Variants in AFF1 observed in about 807,000 individuals in gnomAD.
The protein encoded by AFF1 is AF4/FMR2 family member 1.
AFF1 carries 48 observed loss-of-function variants against 121.7 expected under a neutral mutation model. That is an observed-to-expected ratio of 0.39 (90% CI 0.31 to 0.50). The LOEUF (loss-of-function observed/expected upper bound fraction) is 0.50. Ranked by LOEUF, AFF1 falls within the 20% of genes least tolerant of loss-of-function variation. The pLI, the probability that AFF1 is intolerant of heterozygous loss-of-function variation, is 0.76. For missense variants in AFF1, 1,523 were observed against 1,511.7 expected (o/e 1.01, Z -0.12); for synonymous variants, 613 against 563.0 (o/e 1.09, Z -1.26).
At chr4:87,019,887 G>GGGA (rs58095717) in intron 2 of AFF1, among the ~76,000 whole-genome samples, 8,957 of 138,648 alleles carry the variant, frequency 0.065, 584 homozygotes, top group African/African-American at 0.15. Context: ...AAGGGGTCGG[G>GGGA]GGGGGGCAGT....
At chr4:86,944,608 T>C (rs892989099) in intron 1 of AFF1, among the ~76,000 whole-genome samples, 7 of 152,182 alleles carry the variant, frequency 4.6e-5, no homozygotes, top group African/African-American at 1.4e-4. Context: ...CCTCCCAAAG[T>C]GCTGGGATTA....
At position 87,125,040 on chromosome 4, in the gene AFF1, G is replaced by A. The variant is rs1197789375; in HGVS notation, c.2470G>A (p.Glu824Lys). Reference sequence around the variant, plus strand: ...TTTGCTGATTATACTGTAATAGGGTGAAGCAGAAAGAGACTGTGATAACAA... The same window carrying A: ...TTTGCTGATTATACTGTAATAGGGTAAAGCAGAAAGAGACTGTGATAACAA... ...SSKLAKKRKGEAERDCDNKKI... is the reference protein window; with the variant it reads ...SSKLAKKRKGKAERDCDNKKI... Residue 824 changes from glutamate to lysine, a missense_variant, in exon 13 of 21, where the codon GAA (glutamate) becomes AAA (lysine). Physicochemically the swap from Glu to Lys is moderately conservative, Grantham distance 56. Coordinates refer to ENST00000395146, the MANE Select transcript of AFF1 (RefSeq NM_001166693.3). 6.2e-7 allele frequency: 1 copy of A among 1,600,108 alleles called. No individual in the cohort carries two copies. The highest frequency in any genetic ancestry group is 8.5e-7 in the Non-Finnish European group (1 of 1,172,736).
intron 2 of AFF1, among the ~76,000 whole-genome samples, chr4:86,982,866 AAAAAAAAAAG>A (rs1289237038): frequency 1.2e-4 from 18 of 146,642 alleles, no homozygotes; most frequent in African/African-American, 4.4e-4. Flanking sequence ...AAAAAAAAAA[AAAAAAAAAAG>A]GAAGCTTGTT....
intron 2 of AFF1, among the ~76,000 whole-genome samples, chr4:86,967,648 T>G (rs1465395921): frequency 1.3e-5 from 2 of 152,088 alleles, no homozygotes; most frequent in South Asian, 4.1e-4. Flanking sequence ...ATGATTTTTT[T>G]TTTTTTGTAA....
chr4:86,967,906 C>A (rs1314643093), intron 2 of AFF1, among the ~76,000 whole-genome samples: 1 of 152,140 alleles, frequency 6.6e-6, no homozygotes, highest in African/African-American at 2.4e-5. Flanking sequence ...ACAATTTATT[C>A]AGTAGAAAAT....
intron 8 of AFF1, among the ~76,000 whole-genome samples, chr4:87,100,224 C>T (rs779871593): frequency 6.6e-6 from 1 of 151,266 alleles, no homozygotes; most frequent in Non-Finnish European, 1.5e-5. Flanking sequence ...TGTATTTTAC[C>T]CTCTCTGTGG....
intron 2 of AFF1, among the ~76,000 whole-genome samples, chr4:87,004,019 AAGC>A (rs1355127137): frequency 3.3e-5 from 5 of 152,322 alleles, no homozygotes; most frequent in African/African-American, 1.2e-4. Context: ...TTTCAAATGA[AAGC>A]AGACCACAAG....
intron 11 of AFF1, among the ~76,000 whole-genome samples, chr4:87,108,633 T>C (rs974173591): frequency 2.6e-5 from 4 of 152,224 alleles, no homozygotes; most frequent in African/African-American, 9.6e-5. Context: ...TCCCTTCTTT[T>C]AGAAAGAAAA....
chr4:87,070,352 T>C (rs1721902713), intron 4 of AFF1, among the ~76,000 whole-genome samples: 1 of 152,200 alleles, frequency 6.6e-6, no homozygotes, highest in Non-Finnish European at 1.5e-5. Flanking sequence ...TTGACCAGGC[T>C]GGTCTCGAAC....
rs1050085482 is a variant in AFF1, at chr4:86,935,048, G to C, written c.-229G>C. The stretch of plus-strand genomic sequence containing the variant: ...AGCGACGGGCGCGCGCGGCCCCTGC[G>C]CACTCGGCCGCCGCCTGCGCGCGTT... On this transcript the variant is annotated 5_prime_UTR_variant, in exon 1 of 21. Transcript: ENST00000395146. The C allele has an allele frequency of 6.6e-5, 10 of 151,914 alleles. No individual in the cohort carries two copies. The highest frequency in any genetic ancestry group is 2.2e-4 in the African/African-American group (9 of 41,408). 9.4% of individuals were successfully genotyped at this position (151,914 alleles called of 1,614,324 possible). A position where few individuals can be genotyped will look rare whatever the true frequency, so the allele number is the denominator to read the frequency against.
At chr4:86,951,569 G>A (rs1025414843) in intron 2 of AFF1, among the ~76,000 whole-genome samples, 1 of 150,778 alleles carries the variant, frequency 6.6e-6, no homozygotes, top group Admixed American at 6.6e-5. Flanking sequence ...ATAGGAAAAG[G>A]TAAAGATGGG....
rs201603920 is a variant in AFF1 at position 87,126,234 on chromosome 4, T to C, written c.2709T>C (p.Pro903=). 4.0e-5 allele frequency: 65 copies of C among 1,613,986 alleles called. 1 individual carries two copies. Among genetic ancestry groups the C allele is most frequent in the Middle Eastern group, 1.6e-4 (1 of 6,062 alleles). ...AAGCAGACACCTGTGGCCAGGACCC[T>C]CCCAAAAGTGCCAGCAGTACCAAGA... ...RREADTCGQD[P]PKSASSTKSN... Residue 903 remains proline, a synonymous_variant, in exon 14 of 21, where the codon CCT becomes CCC. Coordinates refer to ENST00000395146, the MANE Select transcript of AFF1 (RefSeq NM_001166693.3).
At chr4:87,016,502 A>G (rs989284149) in intron 2 of AFF1, among the ~76,000 whole-genome samples, 2 of 151,108 alleles carry the variant, frequency 1.3e-5, no homozygotes, top group Admixed American at 6.6e-5. Context: ...CAGTGAGCGG[A>G]GATTGCGCCA....
At chr4:87,055,800 G>A (rs990160098) in intron 4 of AFF1, among the ~76,000 whole-genome samples, 18 of 152,124 alleles carry the variant, frequency 1.2e-4, no homozygotes, top group African/African-American at 4.3e-4. Context: ...TCCTAAGAGA[G>A]GATCCTGGTT....
chr4:87,004,649 C>G (rs1044496457), intron 2 of AFF1, among the ~76,000 whole-genome samples: 4 of 152,148 alleles, frequency 2.6e-5, no homozygotes, highest in African/African-American at 9.7e-5. Context: ...TTCCAGTGAG[C>G]ATTTCCTTTG....
intron 2 of AFF1, among the ~76,000 whole-genome samples, chr4:87,031,772 G>GT (rs1331575149): frequency 1.3e-5 from 2 of 152,166 alleles, no homozygotes; most frequent in African/African-American, 4.8e-5. Flanking sequence ...TTTACTTGCA[G>GT]TGGATATATT....
intron 2 of AFF1, among the ~76,000 whole-genome samples, chr4:86,993,730 TGAG>T (rs1417791851): frequency 6.6e-6 from 1 of 152,148 alleles, no homozygotes; most frequent in Non-Finnish European, 1.5e-5. Context: ...TTTGGGAGGC[TGAG>T]GTGGGTGGAT....
Position 87,046,991 on chromosome 4 carries a change from T to C in AFF1, c.456T>C (p.Ser152=), listed in dbSNP as rs764109987. ...AGCCAAGAACTGAACCAATGCCAAG[T>C]CTCCATGCCAAAAGCTGCGGCCCAC... ...MAQPRTEPMP[S]LHAKSCGPPD... is the part of the protein sequence containing the mutation. The change falls in exon 4 of 21, where the codon AGT becomes AGC. Residue 152 remains serine (S), a synonymous_variant. Coordinates refer to ENST00000395146, the MANE Select transcript of AFF1 (RefSeq NM_001166693.3). The C allele has an allele frequency of 1.9e-6, 3 of 1,614,028 alleles. No homozygotes were observed. Among genetic ancestry groups the C allele is most frequent in the Non-Finnish European group, 2.5e-6 (3 of 1,179,990 alleles).
intron 2 of AFF1, chr4:87,007,113 C>T: frequency 7.9e-7 from 1 of 1,265,302 alleles, no homozygotes; most frequent in Non-Finnish European, 9.9e-7. Flanking sequence ...GCCGGGGGCG[C>T]TCGCTTGCCC....
Sources: gnomAD v4.1 joint callset for allele counts (sites outside exome capture counted in the v4.1 genomes callset) on GRCh38, gnomAD v4.1.1 for gene constraint, MANE v1.5 for transcripts, NCBI Gene and HGNC (gene_info 2026-07-23, HGNC 2026-07-21) for gene names.